Variants in TCOF1 observed in about 807,000 individuals in gnomAD.
TCOF1 encodes the protein treacle ribosome biogenesis factor 1.
Under a neutral mutation model 149.0 loss-of-function variants are expected in TCOF1, and 33 were observed. The observed-to-expected ratio is 0.22, with a 90% CI of 0.17 to 0.30. TCOF1 has a LOEUF of 0.30. TCOF1 is among the 10% of genes least tolerant of loss of function. The pLI is 1.00. For missense variants in TCOF1, 1,728 were observed against 1,840.7 expected (o/e 0.94, Z 1.12); for synonymous variants, 789 against 738.8 (o/e 1.07, Z -1.10).
chr5:150,382,182 G>C (rs550729010), intron 17 of TCOF1, among the ~76,000 whole-genome samples: 25 of 152,194 alleles, frequency 1.6e-4, no homozygotes, highest in African/African-American at 4.8e-4. Flanking sequence ...AAAGAGATTA[G>C]GGGGTAGACT....
intron 18 of TCOF1, among the ~76,000 whole-genome samples, chr5:150,388,388 G>A (rs1299074921): frequency 6.6e-6 from 1 of 152,162 alleles, no homozygotes; most frequent in African/African-American, 2.4e-5. Flanking sequence ...TGTATCAGTT[G>A]ACTGCCTGTG....
At chr5:150,386,766 C>G (rs1766386400) in intron 17 of TCOF1, among the ~76,000 whole-genome samples, 2 of 152,242 alleles carry the variant, frequency 1.3e-5, no homozygotes, top group African/African-American at 2.4e-5. Flanking sequence ...CTCCCTGGCT[C>G]ACAACCATGT....
Position 150,395,849 on chromosome 5 carries a change from C to A in TCOF1, c.3785-433C>A, listed in dbSNP as rs1483629888. The stretch of plus-strand genomic sequence containing the variant: ...ACGTTATAGACAGGGAAACCAAGGC[C>A]CTGGGAGGAGATGGGTCCTGGCCAG... On this transcript the variant is annotated intron_variant, in intron 23 of 26. Transcript: ENST00000643257. 3.3e-5 allele frequency among the ~76,000 whole-genome samples: 5 copies of A among 152,214 alleles called. No homozygotes were observed. The East Asian group carries it at 9.6e-4, about 29-fold the overall frequency.
rs529998948 is a variant in TCOF1 at position 150,376,522 on chromosome 5, G to A, written c.2242G>A (p.Gly748Arg). The change falls in exon 14 of 27, where the codon GGG becomes AGG. Residue 748 changes from glycine (G) to arginine (R), a missense_variant. Coordinates refer to ENST00000643257, the MANE Select transcript of TCOF1 (RefSeq NM_001371623.1). ...TGCTCCAGTACTCCCTGGGAAGACG[G>A]GGCCTACAGTCACCCAGGTGAAAGC... ...GTAPVLPGKT[G>R]PTVTQVKAEK... 3 of 1,612,172 alleles carry A rather than the reference G, an allele frequency of 1.9e-6. No individual in the cohort carries two copies. Among genetic ancestry groups the A allele is most frequent in the African/African-American group, 1.3e-5 (1 of 74,992 alleles).
intron 17 of TCOF1, among the ~76,000 whole-genome samples, chr5:150,381,109 C>A (rs1224767226): frequency 2.6e-5 from 4 of 152,152 alleles, no homozygotes; most frequent in African/African-American, 9.7e-5. Context: ...TCCAGAGGGG[C>A]AGTTCTTATC....
intron 25 of TCOF1, 137 bp downstream of exon 25, chr5:150,398,588 G>A: frequency 2.2e-6 from 3 of 1,351,444 alleles, no homozygotes; most frequent in Non-Finnish European, 3.1e-6. Context: ...GACACACCAG[G>A]GAAGAGGCTG....
At chr5:150,384,154 T>C (rs1394718685) in intron 17 of TCOF1, 4 of 1,064,644 alleles carry the variant, frequency 3.8e-6, no homozygotes, top group Non-Finnish European at 4.5e-6. Context: ...AATTCATCAG[T>C]AAGGTCAGAT....
intron 20 of TCOF1, 82 bp downstream of exon 20, chr5:150,391,739 A>C: frequency 7.4e-7 from 1 of 1,358,538 alleles, no homozygotes; most frequent in Non-Finnish European, 1.0e-6. Context: ...ACCAGCACTC[A>C]TCTGCCCCAT....
chr5:150,375,210 ACCT>A (rs745588981), intron 10 of TCOF1, 47 bp downstream of exon 10: 2 of 1,611,928 alleles, frequency 1.2e-6, no homozygotes, highest in Admixed American at 1.7e-5. Flanking sequence ...GCCTCAAAAG[ACCT>A]CCTGTGGTTT....
At chr5:150,378,431 C>G (rs1399396487) in intron 14 of TCOF1, among the ~76,000 whole-genome samples, 3 of 152,146 alleles carry the variant, frequency 2.0e-5, no homozygotes, top group Admixed American at 2.0e-4. Context: ...GCCGTGGCTG[C>G]TTGAGCTCCA....
In TCOF1 at chr5:150,369,380, G is replaced by A. The variant is rs1160006848; in HGVS notation, c.566-149G>A. 12 of 856,022 alleles carry A rather than the reference G, an allele frequency of 1.4e-5. No homozygotes were observed. The East Asian group carries it at 2.1e-4, about 15-fold the overall frequency. The allele number at this position is 856,022 out of a possible 1,614,324, so 53.0% of individuals were successfully genotyped here. ...GGTGATGGTACCCACCTCAGAAGGGGGCTTCACAGCTCAGTGCATGTGAGG... is the reference window on the plus strand; with the variant it reads ...GGTGATGGTACCCACCTCAGAAGGGAGCTTCACAGCTCAGTGCATGTGAGG... On this transcript the variant is annotated intron_variant, in intron 5 of 26. Coordinates refer to ENST00000643257, the MANE Select transcript of TCOF1 (RefSeq NM_001371623.1).
intron 19 of TCOF1, among the ~76,000 whole-genome samples, chr5:150,390,231 A>G (rs1478513697): frequency 6.6e-6 from 1 of 152,238 alleles, no homozygotes; most frequent in Non-Finnish European, 1.5e-5. Flanking sequence ...CTGGGGACAC[A>G]GCCTCCTGGC....
chr5:150,368,013 A>G, intron 4 of TCOF1, 96 bp downstream of exon 4: 13 of 1,376,288 alleles, frequency 9.4e-6, no homozygotes, highest in Non-Finnish European at 9.2e-6. Flanking sequence ...GTTGTGAGTA[A>G]TTGCCCCACC....
At position 150,364,108 on chromosome 5, in the gene TCOF1, T is replaced by C. The variant is rs1303731954; in HGVS notation, c.165-5T>C. ...TTGGTATAGACAGTCACCCTTGTCCTGCAGAACCTCAGAGCTTGGTCGGAA... is the reference window on the plus strand; with the variant it reads ...TTGGTATAGACAGTCACCCTTGTCCCGCAGAACCTCAGAGCTTGGTCGGAA... On this transcript the variant is annotated splice_region_variant and splice_polypyrimidine_tract_variant and intron_variant, in intron 2 of 26. Transcript: ENST00000643257. The C allele has an allele frequency of 4.3e-6, 7 of 1,614,078 alleles. No homozygotes were observed. Among genetic ancestry groups the C allele is most frequent in the Non-Finnish European group, 5.9e-6 (7 of 1,179,982 alleles).
At chr5:150,397,429 C>T (rs1182414999) in intron 24 of TCOF1, among the ~76,000 whole-genome samples, 1 of 151,974 alleles carries the variant, frequency 6.6e-6, no homozygotes, top group East Asian at 1.9e-4. Flanking sequence ...CCTCAGTTTT[C>T]CCTCCATAGT....
At position 150,384,259 on chromosome 5, in the gene TCOF1, G is replaced by T. The variant is rs111909584; in HGVS notation, c.2860-3643G>T. 1.1e-3 allele frequency: 1,045 copies of T among 990,154 alleles called. 9 individuals are homozygous for T. In the African/African-American group the frequency reaches 0.014, roughly 14 times the overall value. 61.3% of individuals were successfully genotyped at this position (990,154 alleles called of 1,614,324 possible). ...TAAAGAACAACCACCACCAACATCGGTAACTCCCTGTATTCTCATTTTTCT... is the reference window on the plus strand; with the variant it reads ...TAAAGAACAACCACCACCAACATCGTTAACTCCCTGTATTCTCATTTTTCT... On this transcript the variant is annotated intron_variant, in intron 17 of 26. Transcript: ENST00000643257.
At chr5:150,393,984 C>T (rs1767940161) in intron 23 of TCOF1, 2 of 247,710 alleles carry the variant, frequency 8.1e-6, no homozygotes, top group Non-Finnish European at 1.6e-5. Flanking sequence ...ACACTCCAGC[C>T]AGGGTGGTAC....
At chr5:150,398,215 C>A (rs11167501) in intron 24 of TCOF1, 139 bp from the exon 25 acceptor site, 1 of 1,551,284 alleles carries the variant, frequency 6.4e-7, no homozygotes, top group Non-Finnish European at 8.7e-7. Flanking sequence ...AACCTCCACG[C>A]CCCGCCCTGC....
intron 17 of TCOF1, among the ~76,000 whole-genome samples, chr5:150,386,999 C>T (rs1250066503): frequency 2.0e-5 from 3 of 152,238 alleles, no homozygotes; most frequent in Non-Finnish European, 4.4e-5. Context: ...TCCCCAGCCT[C>T]AACAGTTAGG....
Sources: gnomAD v4.1 joint callset for allele counts (sites outside exome capture counted in the v4.1 genomes callset) on GRCh38, gnomAD v4.1.1 for gene constraint, MANE v1.5 for transcripts, NCBI Gene and HGNC (gene_info 2026-07-23, HGNC 2026-07-21) for gene names.